The following TAF6 variants were observed in gnomAD, a reference collection of about 807,000 sequenced individuals.
The protein encoded by TAF6 is transcription initiation factor TFIID subunit 6.
A neutral mutation model predicts 73.5 loss-of-function variants in TAF6; 50 were observed. The ratio of observed to expected loss-of-function variants is 0.68; its 90% confidence interval spans 0.54 to 0.86. TAF6 has a LOEUF of 0.86. Among genes scored for constraint, TAF6 ranks in the 40% least tolerant of loss-of-function variants. TAF6 has a pLI of 0.00. For synonymous variants in TAF6, 424 were observed against 376.7 expected (o/e 1.13, Z -1.45); for missense variants, 768 against 899.5 (o/e 0.85, Z 1.87).
chr7:100,109,192 C>T (rs750716902), intron 12 of TAF6, among the ~76,000 whole-genome samples: 7 of 151,532 alleles, frequency 4.6e-5, no homozygotes, highest in Admixed American at 1.3e-4. Context: ...GGCATGGTGG[C>T]GCGTGCCTGT....
At position 100,114,174 on chromosome 7, in the gene TAF6, A is replaced by G. The variant is rs1385322444; in HGVS notation, c.36T>C (p.Thr12=). The part of the protein sequence containing the change: ...AEEKKLKLSN[T]VLPSESMKVV... Reference sequence around the variant, plus strand: ...CCTTCATGGACTCCGAGGGCAGCACAGTGTTGCTAAGCTTCAGCTTCTTCT... The same window carrying G: ...CCTTCATGGACTCCGAGGGCAGCACGGTGTTGCTAAGCTTCAGCTTCTTCT... Residue 12 remains threonine, a synonymous_variant, in exon 2 of 15, where the codon ACT becomes ACC. Coordinates refer to ENST00000453269, the MANE Select transcript of TAF6 (RefSeq NM_139315.3). 1 of 1,614,242 alleles carries G rather than the reference A, an allele frequency of 6.2e-7. No homozygotes were observed. Among genetic ancestry groups the G allele is most frequent in the Admixed American group, 1.7e-5 (1 of 60,028 alleles).
At chr7:100,122,616 T>C (rs564308597), upstream of TAF6, 1 of 1,554,252 alleles carries the variant, frequency 6.4e-7, no homozygotes, top group Non-Finnish European at 8.7e-7. Flanking sequence ...ACTTCTCAGA[T>C]ACAAAGATCT....
At chr7:100,119,728 G>A (rs771894410), upstream of TAF6, 2 of 1,614,088 alleles carry the variant, frequency 1.2e-6, no homozygotes, top group South Asian at 2.2e-5. Flanking sequence ...GTGATTGTTT[G>A]TAGACGGCGC....
At chr7:100,117,445 T>G (rs570696075) in intron 1 of TAF6, among the ~76,000 whole-genome samples, 1 of 151,720 alleles carries the variant, frequency 6.6e-6, no homozygotes, top group African/African-American at 2.4e-5. Context: ...CTAATTTTTG[T>G]ATTTTTAGTA....
At position 100,108,417 on chromosome 7, in the gene TAF6, C is replaced by A. The variant is rs1225040600; in HGVS notation, c.1408G>T (p.Ala470Ser). 1.2e-6 allele frequency: 2 copies of A among 1,613,730 alleles called. No homozygotes were observed. Among genetic ancestry groups the A allele is most frequent in the Admixed American group, 1.7e-5 (1 of 60,004 alleles). The change falls in exon 13 of 15, where the codon GCT (alanine) becomes TCT (serine). Residue 470 changes from alanine (A) to serine (S), a missense_variant. By Grantham distance (99) the Ala-to-Ser change is moderately conservative. Around this residue, in one of 5 missense-constraint regions of TAF6, gnomAD observed 350 missense variants for 352.3 expected, o/e 0.99. Coordinates refer to ENST00000453269, the MANE Select transcript of TAF6 (RefSeq NM_139315.3). ...TTGACCTGCTGAGCCTGCAGAGCAG[C>A]CTGGGCCCGAGCCTTGACCACCTGG... ...CSQVVKARAQ[A>S]ALQAQQVNRT... is the part of the protein sequence containing the mutation.
At chr7:100,113,991 C>A (rs4134898) in intron 2 of TAF6, 37 bp from the exon 3 acceptor site, 1 of 1,614,058 alleles carries the variant, frequency 6.2e-7, no homozygotes, top group African/African-American at 1.3e-5. Flanking sequence ...AGCCCAAAAT[C>A]CTAAGGACGG....
Position 100,112,220 on chromosome 7 carries a change from C to T in TAF6, c.608G>A (p.Gly203Glu). The change falls in exon 7 of 15, where the codon GGG (glycine) becomes GAG (glutamate). Residue 203 changes from glycine (G) to glutamate (E), a missense_variant. By Grantham distance (98) the Gly-to-Glu change is moderately conservative. This residue lies in a region of TAF6 where 269 missense variants were observed against 268.0 expected (regional missense o/e 1.00). Transcript: ENST00000453269. The stretch of plus-strand genomic sequence containing the variant: ...CCGGGGCTTCAGTCGCAAGGGGGCC[C>T]CCTCCAGCAAGGGCGGCGCCTTCTT... The part of the protein sequence containing the change: ...KEKKAPPLLE[G>E]APLRLKPRSI... The T allele has an allele frequency of 6.2e-7, 1 of 1,614,120 alleles. No individual in the cohort carries two copies.
rs1348015983 is a variant in TAF6, at chr7:100,113,607, TC to T, written c.397+8del. On this transcript the variant is annotated splice_region_variant and intron_variant, in intron 4 of 14. Transcript: ENST00000453269. ...TCCTCCCTGCCACCCTGCTCTCCCC[TC>T]CCCCAACCTTTGAGGCAGACGTCCA... 1.9e-6 allele frequency: 3 copies of T among 1,612,914 alleles called. No homozygotes were observed. Among genetic ancestry groups the T allele is most frequent in the Admixed American group, 1.7e-5 (1 of 59,816 alleles).
At chr7:100,109,492 G>A (rs911155590) in intron 12 of TAF6, among the ~76,000 whole-genome samples, 18 of 152,108 alleles carry the variant, frequency 1.2e-4, no homozygotes, top group African/African-American at 2.4e-4. Context: ...CAGGCTGAGC[G>A]TGTTAAACCC....
upstream of TAF6, chr7:100,124,779 C>T (rs1584590392): frequency 6.2e-7 from 1 of 1,613,394 alleles, no homozygotes; most frequent in Non-Finnish European, 8.5e-7. Flanking sequence ...GAAGAGAAAA[C>T]AGAAGGGGAG....
upstream of TAF6, chr7:100,119,746 T>C (rs976153482): frequency 1.9e-6 from 3 of 1,614,096 alleles, no homozygotes; most frequent in African/African-American, 4.0e-5. Flanking sequence ...CGCTTTGTCA[T>C]GGGACCTGTG....
upstream of TAF6, chr7:100,122,401 T>C: frequency 6.2e-7 from 1 of 1,613,958 alleles, no homozygotes; most frequent in East Asian, 2.2e-5. Flanking sequence ...TCCTTCGTGC[T>C]CCTCCCCTTT....
the TAF6 span, among the ~76,000 whole-genome samples, chr7:100,126,143 G>T: frequency 5.9e-5 from 9 of 152,084 alleles, no homozygotes; most frequent in Non-Finnish European, 1.3e-4. Flanking sequence ...CCAAGATCGT[G>T]CCACTGCACT....
chr7:100,110,657 C>G (rs1797088620), intron 10 of TAF6, among the ~76,000 whole-genome samples: 1 of 152,136 alleles, frequency 6.6e-6, no homozygotes, highest in Non-Finnish European at 1.5e-5. Flanking sequence ...ACTAAAAACA[C>G]AAAATTAGCT....
At chr7:100,124,460 G>C, upstream of TAF6, 1 of 1,390,902 alleles carries the variant, frequency 7.2e-7, no homozygotes, top group East Asian at 2.3e-5. Flanking sequence ...GAAGACAGGC[G>C]GGATCCCAAA....
At chr7:100,125,204 C>A in the TAF6 span, 1 of 290,440 alleles carries the variant, frequency 3.4e-6, no homozygotes, top group Non-Finnish European at 6.5e-6. Flanking sequence ...TCAGCAGTGG[C>A]ACTGGAGCTG....
At chr7:100,121,112 A>ATTTTTT (rs1798040006), upstream of TAF6, 11 of 30,718 alleles carry the variant, frequency 3.6e-4, no homozygotes, top group East Asian at 5.7e-4. Flanking sequence ...ATATATATAT[A>ATTTTTT]TATATTTTTT....
At chr7:100,112,666 G>T (rs1797299361) in intron 6 of TAF6, 132 bp downstream of exon 6, 2 of 1,320,516 alleles carry the variant, frequency 1.5e-6, no homozygotes, top group South Asian at 3.2e-5. Context: ...AGTGAGCTGA[G>T]ATCGTACCAC....
At chr7:100,112,681 C>CTGGA (rs1797301652) in intron 6 of TAF6, 117 bp downstream of exon 6, 1 of 1,419,108 alleles carries the variant, frequency 7.0e-7, no homozygotes, top group Non-Finnish European at 9.4e-7. Context: ...TACCACTACA[C>CTGGA]TCCAGCCTGG....
Sources: gnomAD v4.1 joint callset for allele counts (sites outside exome capture counted in the v4.1 genomes callset) on GRCh38, gnomAD v4.1.1 for gene constraint, gnomAD v4.1.1 regional missense constraint, MANE v1.5 for transcripts, NCBI Gene and HGNC (gene_info 2026-07-23, HGNC 2026-07-21) for gene names.